Variants in CSMD1 observed in about 807,000 individuals in gnomAD.
CSMD1 encodes the protein CUB and sushi domain-containing protein 1.
In CSMD1, 213 loss-of-function variants were observed where a neutral mutation model predicts 417.5. That is an observed-to-expected ratio of 0.51 (90% CI 0.46 to 0.57). CSMD1 has a LOEUF of 0.57. CSMD1 is among the 20% of genes least tolerant of loss of function. The probability of loss-of-function intolerance (pLI) is 0.00; values close to 1 mark genes in which losing one functional copy is unlikely to be tolerated. For synonymous variants in CSMD1, 2,862 were observed against 1,736.8 expected (o/e 1.65, Z -16.11); for missense variants, 6,923 against 4,529.7 (o/e 1.53, Z -15.17).
chr8:3,858,322 C>T (rs953074242), intron 5 of CSMD1, among the ~76,000 whole-genome samples: 1 of 152,100 alleles, frequency 6.6e-6, no homozygotes, highest in East Asian at 1.9e-4. Flanking sequence ...ACTTCAAAGG[C>T]TCTTCTTTTG....
At chr8:3,179,178 C>T (rs749327644) in intron 37 of CSMD1, among the ~76,000 whole-genome samples, 3 of 151,688 alleles carry the variant, frequency 2.0e-5, no homozygotes, top group East Asian at 1.9e-4. Context: ...ATCTCCTGAC[C>T]TCGTGATCTG....
chr8:4,456,712 G>T (rs1009641177), intron 2 of CSMD1, among the ~76,000 whole-genome samples: 3 of 152,036 alleles, frequency 2.0e-5, no homozygotes, highest in African/African-American at 7.2e-5. Context: ...ACAGGCATGT[G>T]GACCCCCTGC....
At chr8:4,717,540 G>C (rs918518736) in intron 1 of CSMD1, among the ~76,000 whole-genome samples, 9 of 141,876 alleles carry the variant, frequency 6.3e-5, no homozygotes, top group Admixed American at 1.4e-4. Context: ...CAATCTGTCT[G>C]TCTGTCTACC....
intron 1 of CSMD1, among the ~76,000 whole-genome samples, chr8:4,954,288 A>C (rs1246059090): frequency 1.3e-5 from 2 of 152,208 alleles, no homozygotes; most frequent in Non-Finnish European, 2.9e-5. Context: ...GTTACAACAG[A>C]GGTGCAAATA....
At chr8:3,272,740 G>A (rs373585622) in intron 26 of CSMD1, among the ~76,000 whole-genome samples, 113 of 146,100 alleles carry the variant, frequency 7.7e-4, no homozygotes, top group African/African-American at 2.6e-3. Flanking sequence ...TTTGTCTGTT[G>A]TTGGTGTATA....
intron 10 of CSMD1, among the ~76,000 whole-genome samples, chr8:3,522,659 CAT>C (rs1797555676): frequency 6.6e-6 from 1 of 151,932 alleles, no homozygotes; most frequent in African/African-American, 2.4e-5. Context: ...GACTTTGTGA[CAT>C]GTGAGTTTCA....
At chr8:3,348,211 G>C in intron 21 of CSMD1, 50 bp from the exon 22 acceptor site, 3 of 1,449,070 alleles carry the variant, frequency 2.1e-6, no homozygotes, top group Non-Finnish European at 2.8e-6. Context: ...TGGAATTACT[G>C]TTTTTAACAG....
At chr8:2,994,021 G>A (rs1378802521) in intron 54 of CSMD1, among the ~76,000 whole-genome samples, 1 of 150,194 alleles carries the variant, frequency 6.7e-6, no homozygotes, top group Admixed American at 6.6e-5. Context: ...GGACATATTG[G>A]CACAATCCCA....
intron 2 of CSMD1, among the ~76,000 whole-genome samples, chr8:4,564,837 C>A (rs1180317663): frequency 1.3e-5 from 2 of 152,176 alleles, no homozygotes; most frequent in Admixed American, 6.5e-5. Context: ...TGGGATGCGT[C>A]CAGCATTTAC....
At chr8:3,230,737 A>G (rs1343204196) in intron 26 of CSMD1, among the ~76,000 whole-genome samples, 1 of 152,172 alleles carries the variant, frequency 6.6e-6, no homozygotes, top group Non-Finnish European at 1.5e-5. Context: ...TATACCCAGG[A>G]TCCCATAGGT....
At chr8:3,342,535 T>C (rs1182469917) in intron 23 of CSMD1, among the ~76,000 whole-genome samples, 1 of 152,244 alleles carries the variant, frequency 6.6e-6, no homozygotes, top group Non-Finnish European at 1.5e-5. Context: ...CTTTTTCTTT[T>C]ACTTCAGAAC....
intron 3 of CSMD1, among the ~76,000 whole-genome samples, chr8:4,263,135 T>C (rs1804000175): frequency 6.6e-6 from 1 of 152,198 alleles, no homozygotes. Flanking sequence ...TCACTTATTT[T>C]TTCAAAAATG....
chr8:4,838,550 T>G (rs556475119), intron 1 of CSMD1, among the ~76,000 whole-genome samples: 1 of 152,350 alleles, frequency 6.6e-6, no homozygotes, highest in Admixed American at 6.5e-5. Flanking sequence ...TTTACCTGCT[T>G]ACACCTGGGT....
chr8:3,619,224 C>G (rs1321709028), intron 7 of CSMD1, among the ~76,000 whole-genome samples: 1 of 152,116 alleles, frequency 6.6e-6, no homozygotes, highest in East Asian at 1.9e-4. Context: ...AATGTACACA[C>G]AAACCCAGAC....
chr8:3,918,921 G>A (rs1447973490), intron 5 of CSMD1, among the ~76,000 whole-genome samples: 4 of 141,528 alleles, frequency 2.8e-5, no homozygotes, highest in Non-Finnish European at 4.7e-5. Flanking sequence ...TACAAACTGG[G>A]TTCAGTGTGG....
chr8:3,810,815 T>C (rs1801026529), intron 5 of CSMD1, among the ~76,000 whole-genome samples: 1 of 152,152 alleles, frequency 6.6e-6, no homozygotes, highest in African/African-American at 2.4e-5. Flanking sequence ...ACCTCACTCT[T>C]TGTAACACAA....
intron 1 of CSMD1, among the ~76,000 whole-genome samples, chr8:4,833,261 G>A (rs1280837831): frequency 1.3e-5 from 2 of 152,196 alleles, no homozygotes; most frequent in East Asian, 3.8e-4. Flanking sequence ...GAGCATGGCT[G>A]GGAGGCTTCA....
intron 7 of CSMD1, among the ~76,000 whole-genome samples, chr8:3,706,557 G>A (rs537147834): frequency 2.0e-5 from 3 of 152,124 alleles, no homozygotes; most frequent in African/African-American, 2.4e-5. Flanking sequence ...TTATGCATAT[G>A]TCAATTTGTG....
intron 5 of CSMD1, among the ~76,000 whole-genome samples, chr8:3,954,333 A>C (rs1265265396): frequency 6.6e-6 from 1 of 152,090 alleles, no homozygotes; most frequent in Non-Finnish European, 1.5e-5. Context: ...TGAAGAGAGA[A>C]GGTCAAGAGC....
Sources: allele counts gnomAD v4.1 joint callset (sites outside exome capture counted in the v4.1 genomes callset), GRCh38; gene constraint gnomAD v4.1.1; transcripts MANE v1.5; gene names NCBI Gene and HGNC (gene_info 2026-07-23, HGNC 2026-07-21).